The following YES1 variants were observed in gnomAD, a reference collection of about 807,000 sequenced individuals.
YES1 encodes the protein tyrosine-protein kinase Yes.
Under a neutral mutation model 70.4 loss-of-function variants are expected in YES1, and 39 were observed. That is an observed-to-expected ratio of 0.55 (90% CI 0.43 to 0.72). YES1 has a LOEUF of 0.72. Ranked by LOEUF, YES1 falls within the 30% of genes least tolerant of loss-of-function variation. The probability of loss-of-function intolerance (pLI) is 0.00; values close to 1 mark genes in which losing one functional copy is unlikely to be tolerated. For missense variants in YES1, 495 were observed against 644.8 expected (o/e 0.77, Z 2.52); for synonymous variants, 198 against 218.6 (o/e 0.91, Z 0.83).
chr18:787,703 C>G (rs907631327), intron 1 of YES1, among the ~76,000 whole-genome samples: 4 of 151,302 alleles, frequency 2.6e-5, no homozygotes, highest in South Asian at 2.1e-4. Flanking sequence ...GAGTGAGACT[C>G]TGTCTCAAAA....
intron 1 of YES1, among the ~76,000 whole-genome samples, chr18:760,113 G>A (rs1297876463): frequency 1.3e-5 from 2 of 151,982 alleles, no homozygotes; most frequent in African/African-American, 4.8e-5. Flanking sequence ...CTATCACTGA[G>A]GGACATCTGG....
chr18:805,001 C>T (rs972421060), intron 1 of YES1, among the ~76,000 whole-genome samples: 1 of 151,768 alleles, frequency 6.6e-6, no homozygotes, highest in South Asian at 2.1e-4. Flanking sequence ...GAGAAAGTTC[C>T]GTGTCAAGTC....
intron 11 of YES1, among the ~76,000 whole-genome samples, chr18:730,027 T>C (rs1371968192): frequency 6.6e-6 from 1 of 152,220 alleles, no homozygotes; most frequent in African/African-American, 2.4e-5. Context: ...GTAGATTATC[T>C]GGATCATGTT....
At chr18:760,364 G>GGA (rs1200136946) in intron 1 of YES1, among the ~76,000 whole-genome samples, 1 of 152,074 alleles carries the variant, frequency 6.6e-6, no homozygotes, top group Non-Finnish European at 1.5e-5. Flanking sequence ...CCGCTACTCG[G>GGA]GAGGCTGAGG....
At chr18:764,244 C>T (rs997488463) in intron 1 of YES1, among the ~76,000 whole-genome samples, 1 of 151,850 alleles carries the variant, frequency 6.6e-6, no homozygotes, top group Non-Finnish European at 1.5e-5. Flanking sequence ...TTTTTTGAGA[C>T]TGAGTCTCAC....
chr18:799,148 A>C (rs1166900879), intron 1 of YES1, among the ~76,000 whole-genome samples: 4 of 152,208 alleles, frequency 2.6e-5, no homozygotes, highest in African/African-American at 7.2e-5. Flanking sequence ...CAAATATTCT[A>C]ACCACATTTG....
rs116262366 is a variant in YES1, at chr18:789,993, G to A, written c.-9+22121C>T. Among the ~76,000 whole-genome samples the A allele has an allele frequency of 1.2e-3, 185 of 152,010 alleles. 1 individual carries two copies. The highest frequency in any genetic ancestry group is 4.3e-3 in the African/African-American group (180 of 41,486). ...GAACTGCTTGAACCAGGGAGGTTGA[G>A]GATGCAGTGAGCTGAGATTGTGCCA... is the stretch of plus-strand genomic sequence containing the variant. On this transcript the variant is annotated intron_variant, in intron 1 of 11. Transcript: ENST00000314574.
At chr18:763,507 C>A (rs374692424) in intron 1 of YES1, among the ~76,000 whole-genome samples, 1 of 151,678 alleles carries the variant, frequency 6.6e-6, no homozygotes, top group Non-Finnish European at 1.5e-5. Context: ...GCAGCCTGGG[C>A]GTCATGGCAG....
chr18:787,636 G>C (rs1312166257), intron 1 of YES1, among the ~76,000 whole-genome samples: 1 of 151,940 alleles, frequency 6.6e-6, no homozygotes, highest in Non-Finnish European at 1.5e-5. Flanking sequence ...CTTTAACCTG[G>C]GATGCGGAGG....
At chr18:725,799 T>C (rs1302478723) in intron 11 of YES1, among the ~76,000 whole-genome samples, 1 of 152,064 alleles carries the variant, frequency 6.6e-6, no homozygotes, top group Non-Finnish European at 1.5e-5. Flanking sequence ...GGTGGGAGAA[T>C]CACTTGAACG....
chr18:761,558 C>T (rs1327494625), intron 1 of YES1, among the ~76,000 whole-genome samples: 1 of 152,094 alleles, frequency 6.6e-6, no homozygotes, highest in African/African-American at 2.4e-5. Context: ...TACCCATAAC[C>T]ATCTTAAAGT....
At chr18:731,933 C>G (rs1278391763) in intron 11 of YES1, among the ~76,000 whole-genome samples, 1 of 139,096 alleles carries the variant, frequency 7.2e-6, no homozygotes, top group Non-Finnish European at 1.5e-5. Flanking sequence ...TGCCACTGCA[C>G]TCCAGCCTGG....
chr18:800,240 C>T (rs1906752017), intron 1 of YES1, among the ~76,000 whole-genome samples: 1 of 152,228 alleles, frequency 6.6e-6, no homozygotes, highest in South Asian at 2.1e-4. Context: ...ATAGGCAGAA[C>T]ATGCCAGCTG....
At chr18:754,712 C>CA (rs35530008) in intron 2 of YES1, among the ~76,000 whole-genome samples, 14,411 of 135,238 alleles carry the variant, frequency 0.11, 944 homozygotes, top group Non-Finnish European at 0.15. Flanking sequence ...ACTCCAACTC[C>CA]AAAAAAAAAA....
chr18:807,710 T>C (rs1233611900), intron 1 of YES1, among the ~76,000 whole-genome samples: 2 of 152,290 alleles, frequency 1.3e-5, no homozygotes, highest in East Asian at 3.9e-4. Flanking sequence ...AGGAAAAGAA[T>C]GCAGAGTTCC....
chr18:782,556 G>A (rs1296730753), intron 1 of YES1, among the ~76,000 whole-genome samples: 1 of 152,168 alleles, frequency 6.6e-6, no homozygotes, highest in Non-Finnish European at 1.5e-5. Flanking sequence ...TTTTACTTAA[G>A]TGAATTAGCT....
intron 1 of YES1, among the ~76,000 whole-genome samples, chr18:781,446 C>T (rs558207753): frequency 1.3e-5 from 2 of 152,114 alleles, no homozygotes; most frequent in African/African-American, 4.8e-5. Context: ...TTAGCTTAAA[C>T]GTTCAAGGAA....
intron 11 of YES1, among the ~76,000 whole-genome samples, chr18:727,223 T>C (rs551250342): frequency 2.5e-4 from 38 of 152,330 alleles, no homozygotes; most frequent in East Asian, 1.2e-3. Flanking sequence ...TTTATTATTA[T>C]GAAACGTCCC....
At chr18:728,965 T>C (rs750403509) in intron 11 of YES1, among the ~76,000 whole-genome samples, 10 of 152,258 alleles carry the variant, frequency 6.6e-5, no homozygotes, top group Admixed American at 1.3e-4. Context: ...TCACTTAATC[T>C]GTGGGCTAGT....
Sources: gnomAD v4.1 joint callset for allele counts (sites outside exome capture counted in the v4.1 genomes callset) on GRCh38, gnomAD v4.1.1 for gene constraint, MANE v1.5 for transcripts, NCBI Gene and HGNC (gene_info 2026-07-23, HGNC 2026-07-21) for gene names.